The following BNC2 variants were observed in gnomAD, a reference collection of about 807,000 sequenced individuals.
BNC2 encodes basonuclin zinc finger protein 2, also known as zinc finger protein basonuclin-2.
Under a neutral mutation model 76.3 loss-of-function variants are expected in BNC2, and 20 were observed. The ratio of observed to expected loss-of-function variants is 0.26; its 90% CI spans 0.18 to 0.38. The LOEUF is 0.38. Among genes scored for constraint, BNC2 ranks in the 10% least tolerant of loss-of-function variants. BNC2 has a pLI of 1.00. For synonymous variants in BNC2, 582 were observed against 514.8 expected (o/e 1.13, Z -1.77); for missense variants, 1,382 against 1,399.8 (o/e 0.99, Z 0.20).
chr9:16,445,741 C>T (rs1275151877), intron 5 of BNC2, among the ~76,000 whole-genome samples: 1 of 152,168 alleles, frequency 6.6e-6, no homozygotes, highest in Non-Finnish European at 1.5e-5. Context: ...TACTTGTTAA[C>T]ATTGACCTAT....
At chr9:16,802,135 T>C (rs1817800224) in intron 1 of BNC2, among the ~76,000 whole-genome samples, 1 of 152,184 alleles carries the variant, frequency 6.6e-6, no homozygotes, top group Admixed American at 6.5e-5. Context: ...TAGCCAAACA[T>C]GCTCAAGGAT....
At chr9:16,689,332 A>G (rs994044526) in intron 3 of BNC2, among the ~76,000 whole-genome samples, 3 of 152,174 alleles carry the variant, frequency 2.0e-5, no homozygotes, top group African/African-American at 7.2e-5. Flanking sequence ...AGTCACAGAA[A>G]TGATAACTTG....
intron 6 of BNC2, 149 bp from the exon 7 acceptor site, chr9:16,419,798 C>T (rs1217978595): frequency 3.1e-6 from 2 of 644,336 alleles, no homozygotes; most frequent in African/African-American, 1.8e-5. Context: ...GCAAGCATTC[C>T]CCTATATCCT....
chr9:16,542,053 C>T (rs954933101), intron 5 of BNC2, among the ~76,000 whole-genome samples: 1 of 152,016 alleles, frequency 6.6e-6, no homozygotes, highest in East Asian at 1.9e-4. Context: ...ATAGAAAATA[C>T]AGTAACCACA....
intron 1 of BNC2, among the ~76,000 whole-genome samples, chr9:16,866,749 C>T (rs1278718959): frequency 6.6e-6 from 1 of 150,726 alleles, no homozygotes; most frequent in Non-Finnish European, 1.5e-5. Flanking sequence ...TTTTGTGCAA[C>T]ATTCTGATGG....
intron 3 of BNC2, among the ~76,000 whole-genome samples, chr9:16,609,170 G>T (rs1447094761): frequency 6.6e-6 from 1 of 152,082 alleles, no homozygotes; most frequent in Non-Finnish European, 1.5e-5. Flanking sequence ...CTTTTCAAAG[G>T]CTCAGAGAGC....
intron 3 of BNC2, among the ~76,000 whole-genome samples, chr9:16,630,818 C>A (rs1007906917): frequency 5.4e-5 from 8 of 147,254 alleles, no homozygotes; most frequent in African/African-American, 2.1e-4. Flanking sequence ...CGGCTCACTG[C>A]AACCTCCGCC....
chr9:16,773,027 C>T (rs1825870311), intron 1 of BNC2, among the ~76,000 whole-genome samples: 1 of 152,148 alleles, frequency 6.6e-6, no homozygotes, highest in African/African-American at 2.4e-5. Flanking sequence ...TGCAAAGAGG[C>T]TATTTAGAGA....
chr9:16,467,771 A>G (rs1821725152), intron 5 of BNC2, among the ~76,000 whole-genome samples: 2 of 145,320 alleles, frequency 1.4e-5, no homozygotes, highest in East Asian at 2.0e-4. Flanking sequence ...AGCATGGCAC[A>G]TGTATACATA....
At chr9:16,666,220 C>T (rs1822284978) in intron 3 of BNC2, among the ~76,000 whole-genome samples, 1 of 152,104 alleles carries the variant, frequency 6.6e-6, no homozygotes, top group African/African-American at 2.4e-5. Flanking sequence ...AACATACTTT[C>T]CTCCAGAGCT....
rs527798345 is a variant in BNC2 at position 16,595,305 on chromosome 9, C to T, written c.331-12220G>A. 7.2e-5 allele frequency among the ~76,000 whole-genome samples: 11 copies of T among 152,262 alleles called. No homozygotes were observed. The East Asian group carries it at 1.3e-3, about 19-fold the overall frequency. ...GATTATAAAAGAATATGTTTCTTCACTTAAAAGCAGGTATCAGCAAAGGAA... is the reference window on the plus strand; with the variant it reads ...GATTATAAAAGAATATGTTTCTTCATTTAAAAGCAGGTATCAGCAAAGGAA... On this transcript the variant is annotated intron_variant, in intron 3 of 6. Coordinates refer to ENST00000380672, the MANE Select transcript of BNC2 (RefSeq NM_017637.6).
Position 16,413,521 on chromosome 9 carries a change from A to T in BNC2, c.*5468T>A, listed in dbSNP as rs571119806. ...TAGTTATTGCCGAATGAGCACAGAA[A>T]ATCATTTTGCGCAAGATGTGGGAAG... is the stretch of plus-strand genomic sequence containing the variant. On this transcript the variant is annotated 3_prime_UTR_variant, in exon 7 of 7. Transcript: ENST00000380672. The T allele has an allele frequency of 1.3e-5, 2 of 152,216 alleles. No homozygotes were observed. The highest frequency in any genetic ancestry group is 2.9e-5 in the Non-Finnish European group (2 of 68,046). The allele number at this position is 152,216 out of a possible 1,614,324, so 9.4% of individuals were successfully genotyped here.
At chr9:16,628,612 A>AAC (rs1418645549) in intron 3 of BNC2, among the ~76,000 whole-genome samples, 1 of 152,130 alleles carries the variant, frequency 6.6e-6, no homozygotes, top group African/African-American at 2.4e-5. Flanking sequence ...CATGCATGCG[A>AAC]ACACACACAA....
chr9:16,526,061 C>T (rs1001680154), intron 5 of BNC2, among the ~76,000 whole-genome samples: 1 of 151,782 alleles, frequency 6.6e-6, no homozygotes, highest in Non-Finnish European at 1.5e-5. Context: ...ATAACCTGTC[C>T]TGATCTTTAT....
chr9:16,782,585 T>G (rs1309943107), intron 1 of BNC2, among the ~76,000 whole-genome samples: 1 of 151,800 alleles, frequency 6.6e-6, no homozygotes, highest in Non-Finnish European at 1.5e-5. Context: ...CCTAGACCCC[T>G]TCCACTGGCT....
chr9:16,585,088 A>G (rs1378518337), intron 3 of BNC2, among the ~76,000 whole-genome samples: 2 of 152,116 alleles, frequency 1.3e-5, no homozygotes, highest in South Asian at 2.1e-4. Flanking sequence ...CATTAATTTG[A>G]TAATATTTAA....
At chr9:16,748,090 T>G (rs1204212926) in intron 1 of BNC2, among the ~76,000 whole-genome samples, 1 of 152,128 alleles carries the variant, frequency 6.6e-6, no homozygotes, top group Admixed American at 6.5e-5. Flanking sequence ...TGCAGAACAG[T>G]AAATACTGTG....
intron 6 of BNC2, among the ~76,000 whole-genome samples, chr9:16,426,934 T>C (rs1376632507): frequency 6.6e-6 from 1 of 152,212 alleles, no homozygotes; most frequent in Non-Finnish European, 1.5e-5. Context: ...TATCACCATA[T>C]AGCACTGAAC....
At chr9:16,682,076 A>T (rs1822840867) in intron 3 of BNC2, among the ~76,000 whole-genome samples, 1 of 151,994 alleles carries the variant, frequency 6.6e-6, no homozygotes, top group Non-Finnish European at 1.5e-5. Flanking sequence ...GATGTTGTGG[A>T]TGTATCTGTG....
Sources: allele counts gnomAD v4.1 joint callset (sites outside exome capture counted in the v4.1 genomes callset), GRCh38; gene constraint gnomAD v4.1.1; transcripts MANE v1.5; gene names NCBI Gene and HGNC (gene_info 2026-07-23, HGNC 2026-07-21).